Variants in SNAP91 observed in about 807,000 individuals in gnomAD.
SNAP91 encodes the protein clathrin coat assembly protein AP180.
In SNAP91, 27 loss-of-function variants were observed where a neutral mutation model predicts 100.3. The ratio of observed to expected loss-of-function variants is 0.27; its 90% CI spans 0.20 to 0.37. The LOEUF is 0.37. SNAP91 is among the 10% of genes least tolerant of loss of function. The probability of loss-of-function intolerance (pLI) is 1.00; values close to 1 mark genes in which losing one functional copy is unlikely to be tolerated. For synonymous variants in SNAP91, 404 were observed against 398.6 expected, an observed-to-expected ratio of 1.01 and a Z score of -0.16; for missense variants, 986 against 1,123.7, an observed-to-expected ratio of 0.88 and a Z score of 1.75.
rs1562773822 is a variant in SNAP91, at chr6:83,707,934, T to C, written c.-7A>G. The stretch of plus-strand genomic sequence containing the variant: ...TGAGCGTTTGGCCCGACATCTTCTG[T>C]GGTCGCGTCTACCGCCTCCTCTTCT... On this transcript the variant is annotated 5_prime_UTR_variant, in exon 2 of 30. Coordinates refer to ENST00000369694, the MANE Select transcript of SNAP91 (RefSeq NM_001242792.2). The C allele has an allele frequency of 1.3e-5, 21 of 1,575,862 alleles. No individual in the cohort carries two copies. Among genetic ancestry groups the C allele is most frequent in the Non-Finnish European group, 1.7e-5 (20 of 1,167,030 alleles).
intron 13 of SNAP91, among the ~76,000 whole-genome samples, chr6:83,606,690 ATCTTTTTTTACATATTAGATTTCC>A: frequency 6.6e-6 from 1 of 152,310 alleles, no homozygotes; most frequent in African/African-American, 2.4e-5. Context: ...TTTCATCTTT[ATCTTTTTTTACATATTAGATTTCC>A]AAGTAATATT....
intron 2 of SNAP91, among the ~76,000 whole-genome samples, chr6:83,701,883 G>A (rs1008243001): frequency 6.6e-6 from 1 of 152,232 alleles, no homozygotes; most frequent in Non-Finnish European, 1.5e-5. Flanking sequence ...TAGAAAGACT[G>A]TGGGCTTCAG....
chr6:83,625,330 A>G (rs545200177), intron 8 of SNAP91, among the ~76,000 whole-genome samples: 1 of 152,206 alleles, frequency 6.6e-6, no homozygotes, highest in East Asian at 1.9e-4. Flanking sequence ...TTGCTATTTG[A>G]ATAGTGCTGC....
chr6:83,694,442 A>C (rs1261055758), intron 2 of SNAP91, among the ~76,000 whole-genome samples: 1 of 152,218 alleles, frequency 6.6e-6, no homozygotes, highest in Non-Finnish European at 1.5e-5. Context: ...TTAAGCTTGT[A>C]GCATGCCACT....
intron 12 of SNAP91, among the ~76,000 whole-genome samples, chr6:83,609,375 GT>G (rs1054136792): frequency 1.3e-5 from 2 of 152,132 alleles, no homozygotes; most frequent in African/African-American, 4.8e-5. Context: ...AGACATAATG[GT>G]TTTAAACCTG....
At chr6:83,631,049 C>A (rs1325072128) in intron 8 of SNAP91, among the ~76,000 whole-genome samples, 2 of 152,062 alleles carry the variant, frequency 1.3e-5, no homozygotes, top group Non-Finnish European at 2.9e-5. Flanking sequence ...TCACTACTGT[C>A]ATTCAGTTCG....
At chr6:83,657,174 C>T (rs993809103) in intron 6 of SNAP91, among the ~76,000 whole-genome samples, 4 of 152,086 alleles carry the variant, frequency 2.6e-5, no homozygotes, top group African/African-American at 9.7e-5. Flanking sequence ...GTTACTTTTA[C>T]TGTTATGTTA....
At chr6:83,630,023 C>A (rs1309388080) in intron 8 of SNAP91, among the ~76,000 whole-genome samples, 1 of 151,972 alleles carries the variant, frequency 6.6e-6, no homozygotes, top group Non-Finnish European at 1.5e-5. Context: ...GATGTACGTC[C>A]CTTGTATGCC....
chr6:83,707,515 G>T (rs972634471), intron 2 of SNAP91, among the ~76,000 whole-genome samples: 4 of 144,114 alleles, frequency 2.8e-5, no homozygotes, highest in African/African-American at 8.2e-5. Flanking sequence ...TCTCTCTCTT[G>T]TGTGTGTGTA....
At chr6:83,670,041 T>A (rs998128530) in intron 2 of SNAP91, among the ~76,000 whole-genome samples, 4 of 151,962 alleles carry the variant, frequency 2.6e-5, no homozygotes, top group African/African-American at 9.7e-5. Context: ...CATTTTTAAG[T>A]AAACATTTAA....
chr6:83,704,470 C>G (rs1004657946), intron 2 of SNAP91, among the ~76,000 whole-genome samples: 1 of 152,066 alleles, frequency 6.6e-6, no homozygotes, highest in Non-Finnish European at 1.5e-5. Flanking sequence ...TTCATCTCGA[C>G]CTTTTCACCA....
intron 8 of SNAP91, among the ~76,000 whole-genome samples, chr6:83,629,679 GCTA>G (rs1396794235): frequency 6.6e-6 from 1 of 152,036 alleles, no homozygotes; most frequent in Non-Finnish European, 1.5e-5. Context: ...GTATCGAAGA[GCTA>G]CTGATTTGTG....
At chr6:83,656,732 A>G (rs374048710) in intron 7 of SNAP91, 22 bp downstream of exon 7, 2 of 1,120,010 alleles carry the variant, frequency 1.8e-6, no homozygotes, top group Non-Finnish European at 2.7e-6. Context: ...CAGCCCAGAC[A>G]TGTTTCGGTT....
At chr6:83,600,818 CTTAGA>C (rs1293165494) in intron 16 of SNAP91, among the ~76,000 whole-genome samples, 1 of 152,182 alleles carries the variant, frequency 6.6e-6, no homozygotes, top group Admixed American at 6.5e-5. Context: ...CTGAATTACT[CTTAGA>C]TTATTTTTTG....
At chr6:83,603,075 G>T (rs2095376267) in intron 14 of SNAP91, among the ~76,000 whole-genome samples, 1 of 152,054 alleles carries the variant, frequency 6.6e-6, no homozygotes, top group Non-Finnish European at 1.5e-5. Flanking sequence ...ACCTTTCTTG[G>T]GTAAGTGTAG....
At position 83,593,477 on chromosome 6, in the gene SNAP91, C is replaced by T. The variant is rs1245545139; in HGVS notation, c.1696+1G>A. On this transcript the variant is annotated splice_donor_variant, in intron 18 of 29. Coordinates refer to ENST00000369694, the MANE Select transcript of SNAP91 (RefSeq NM_001242792.2). LOFTEE classifies it high-confidence loss of function. The stretch of plus-strand genomic sequence containing the variant: ...GGTCGACAACAATAACAAAAAATTA[C>T]CACCAAAGATATCTAGAGCAGGAGG... 6.5e-7 allele frequency: 1 copy of T among 1,549,800 alleles called. No homozygotes were observed. The highest frequency in any genetic ancestry group is 2.0e-5 in the Admixed American group (1 of 50,958).
At position 83,604,504 on chromosome 6, in the gene SNAP91, A is replaced by G. The variant is rs562649440; in HGVS notation, c.1141+1181T>C. 2.6e-5 allele frequency among the ~76,000 whole-genome samples: 4 copies of G among 152,262 alleles called. No homozygotes were observed. In the East Asian group the frequency reaches 7.7e-4, roughly 29 times the overall value. ...TTATCTTTCTCTTATTTTTGTTACC[A>G]AAATAACTTGGAAATGAGATCAAGA... On this transcript the variant is annotated intron_variant, in intron 14 of 29. Coordinates refer to ENST00000369694, the MANE Select transcript of SNAP91 (RefSeq NM_001242792.2).
intron 3 of SNAP91, among the ~76,000 whole-genome samples, chr6:83,664,956 G>C (rs148491146): frequency 2.0e-5 from 3 of 152,208 alleles, no homozygotes; most frequent in African/African-American, 7.2e-5. Context: ...ATCAGGGCAA[G>C]ACCTTCTACC....
At chr6:83,692,028 T>A (rs1359798191) in intron 2 of SNAP91, among the ~76,000 whole-genome samples, 1 of 152,170 alleles carries the variant, frequency 6.6e-6, no homozygotes, top group Non-Finnish European at 1.5e-5. Context: ...TACTCTTATC[T>A]TCCTAGAATA....
Sources: gnomAD v4.1 joint callset for allele counts (sites outside exome capture counted in the v4.1 genomes callset) on GRCh38, gnomAD v4.1.1 for gene constraint, MANE v1.5 for transcripts, NCBI Gene and HGNC (gene_info 2026-07-23, HGNC 2026-07-21) for gene names.